ATP11C: variants seen among roughly 807,000 people sequenced by gnomAD.
The protein encoded by ATP11C is ATPase phospholipid transporting 11C (ATP11C blood group).
Under a neutral mutation model 97.4 loss-of-function variants are expected in ATP11C, and 36 were observed. That is an observed-to-expected ratio of 0.37 (90% confidence interval 0.28 to 0.49). The LOEUF (loss-of-function observed/expected upper bound fraction) is 0.49, where lower values mean the gene tolerates loss of function less well. Ranked by LOEUF, ATP11C falls within the 20% of genes least tolerant of loss-of-function variation. The probability of loss-of-function intolerance (pLI) is 0.98; values close to 1 mark genes in which losing one functional copy is unlikely to be tolerated. For synonymous variants in ATP11C, 275 were observed against 290.9 expected, an observed-to-expected ratio of 0.95 and a Z score of 0.56; for missense variants, 730 against 824.6, an observed-to-expected ratio of 0.89 and a Z score of 1.40.
At chrX:139,750,196 CA>C (rs1569431842) in intron 23 of ATP11C, 44 bp from the exon 24 acceptor site, 3 of 1,115,955 alleles carry the variant, frequency 2.7e-6, no homozygotes, top group Non-Finnish European at 2.4e-6. Flanking sequence ...TTTCATGTAA[CA>C]ATCATCTACA....
Position 139,855,608 on chromosome X carries a change from CATCT to C in ATP11C, c.28-28789_28-28786del, listed in dbSNP as rs1439735152. Among the ~76,000 whole-genome samples, 12 of 112,223 alleles carry C rather than the reference CATCT, an allele frequency of 1.1e-4. No homozygotes were observed. In the East Asian group the frequency reaches 2.0e-3, roughly 18 times the overall value. ...AAAGCTAAGAAAAATTTAACTCTTT[CATCT>C]ATCTATTACTCTTTCTTCTTTCCTC... On this transcript the variant is annotated intron_variant, in intron 1 of 29. Coordinates refer to ENST00000682941, the MANE Select transcript of ATP11C (RefSeq NM_001353812.2).
intron 19 of ATP11C, among the ~76,000 whole-genome samples, chrX:139,772,487 G>A (rs1191693667): frequency 1.8e-5 from 2 of 111,263 alleles, no homozygotes; most frequent in Non-Finnish European, 3.8e-5. Flanking sequence ...CTGACAGCTT[G>A]CACTGTGCAC....
At chrX:139,921,383 C>A (rs1294740994) in intron 1 of ATP11C, among the ~76,000 whole-genome samples, 1 of 111,315 alleles carries the variant, frequency 9.0e-6, no homozygotes, top group Non-Finnish European at 1.9e-5. Flanking sequence ...CCCCTTCACT[C>A]GGCACTTCTC....
chrX:139,778,523 T>A (rs959905715), intron 18 of ATP11C, among the ~76,000 whole-genome samples: 3 of 111,895 alleles, frequency 2.7e-5, no homozygotes, highest in African/African-American at 9.8e-5. Flanking sequence ...ATTGCCGCAA[T>A]GAATACAAAA....
At chrX:139,819,992 C>T (rs2083370025) in intron 2 of ATP11C, among the ~76,000 whole-genome samples, 1 of 111,761 alleles carries the variant, frequency 8.9e-6, no homozygotes, top group African/African-American at 3.3e-5. Context: ...TTGAGACCAG[C>T]CTGGCCAACA....
At chrX:139,888,812 G>GTT (rs757115970) in intron 1 of ATP11C, among the ~76,000 whole-genome samples, 5 of 102,691 alleles carry the variant, frequency 4.9e-5, no homozygotes, top group Admixed American at 1.1e-4. Flanking sequence ...CCTGAACACA[G>GTT]TTTTTTTTTT....
intron 1 of ATP11C, among the ~76,000 whole-genome samples, chrX:139,894,728 A>C (rs1208272683): frequency 8.9e-6 from 1 of 112,417 alleles, no homozygotes; most frequent in Non-Finnish European, 1.9e-5. Flanking sequence ...GAATGTATCA[A>C]AATATTACAG....
chrX:139,894,674 G>A (rs2084778908), intron 1 of ATP11C, among the ~76,000 whole-genome samples: 1 of 111,495 alleles, frequency 9.0e-6, no homozygotes, highest in South Asian at 3.7e-4. Context: ...AATGTTTAAC[G>A]TGATGGATAT....
intron 1 of ATP11C, among the ~76,000 whole-genome samples, chrX:139,924,880 T>A (rs1251215330): frequency 1.8e-5 from 2 of 112,027 alleles, no homozygotes; most frequent in Non-Finnish European, 1.9e-5. Flanking sequence ...TTCCCGTTAC[T>A]GACTTTGCTC....
At position 139,886,360 on chromosome X, in the gene ATP11C, G is replaced by A. The variant is rs145353939; in HGVS notation, c.27+45656C>T. Among the ~76,000 whole-genome samples, 826 of 110,960 alleles carry A rather than the reference G, an allele frequency of 7.4e-3. 6 individuals are homozygous for A. The highest frequency in any genetic ancestry group is 0.024 in the African/African-American group (746 of 30,562). On this transcript the variant is annotated intron_variant, in intron 1 of 29. Transcript: ENST00000682941. ...AATCCTAGCACTTTGGGAGTCCAAG[G>A]TGGGCAGATCACGAGGTCAAGAGAT...
chrX:139,782,786 A>AG, intron 17 of ATP11C, 58 bp from the exon 18 acceptor site: 1 of 861,268 alleles, frequency 1.2e-6, no homozygotes, highest in Non-Finnish European at 1.6e-6. Context: ...AAAAAAAAAA[A>AG]CACACTCTGT....
chrX:139,844,102 C>A (rs1326274407), intron 1 of ATP11C, among the ~76,000 whole-genome samples: 1 of 111,502 alleles, frequency 9.0e-6, no homozygotes, highest in Non-Finnish European at 1.9e-5. Context: ...CTTATAAAAT[C>A]AAAATGACCA....
chrX:139,823,168 C>T (rs1025986964), intron 2 of ATP11C, among the ~76,000 whole-genome samples: 1 of 111,584 alleles, frequency 9.0e-6, no homozygotes, highest in Non-Finnish European at 1.9e-5. Context: ...TGAAATCGCG[C>T]GCCACTACAT....
At chrX:139,786,083 G>A (rs965031883) in intron 15 of ATP11C, among the ~76,000 whole-genome samples, 1 of 111,362 alleles carries the variant, frequency 9.0e-6, no homozygotes. Flanking sequence ...ATTTGGGATT[G>A]TATTGTAAGA....
chrX:139,870,290 G>A lies in ATP11C; in HGVS notation c.28-43467C>T, dbSNP rs192077281. On this transcript the variant is annotated intron_variant, in intron 1 of 29. Transcript: ENST00000682941. The stretch of plus-strand genomic sequence containing the variant: ...TGTGAGAAGTAAATACAGTACATTG[G>A]TGATCATTAAATGATAGCTGTAATT... Among the ~76,000 whole-genome samples the A allele has an allele frequency of 5.1e-3, 570 of 112,098 alleles. 2 individuals carry two copies. The highest frequency in any genetic ancestry group is 0.018 in the African/African-American group (556 of 30,889).
At chrX:139,844,259 T>C (rs1268819376) in intron 1 of ATP11C, among the ~76,000 whole-genome samples, 1 of 112,133 alleles carries the variant, frequency 8.9e-6, no homozygotes, top group Non-Finnish European at 1.9e-5. Context: ...AAAATCAGCT[T>C]CAAAAGGTTC....
At chrX:139,807,209 G>T (rs1284850514) in intron 5 of ATP11C, among the ~76,000 whole-genome samples, 1 of 111,065 alleles carries the variant, frequency 9.0e-6, no homozygotes, top group East Asian at 2.8e-4. Flanking sequence ...CGTGGGGCGG[G>T]GAGGGGCAAC....
intron 1 of ATP11C, among the ~76,000 whole-genome samples, chrX:139,880,971 G>A (rs2084552243): frequency 9.0e-6 from 1 of 111,658 alleles, no homozygotes; most frequent in African/African-American, 3.3e-5. Context: ...CAGCAGCCCA[G>A]GTCCATAGAG....
chrX:139,765,975 T>G (rs2082127578), intron 20 of ATP11C, among the ~76,000 whole-genome samples: 1 of 112,152 alleles, frequency 8.9e-6, no homozygotes, highest in African/African-American at 3.2e-5. Context: ...CAACACAGGT[T>G]TCAAGGTTTT....
Sources: allele counts gnomAD v4.1 joint callset (sites outside exome capture counted in the v4.1 genomes callset), GRCh38; gene constraint gnomAD v4.1.1; transcripts MANE v1.5; gene names NCBI Gene and HGNC (gene_info 2026-07-23, HGNC 2026-07-21).